FLT1: variants seen among roughly 807,000 people sequenced by gnomAD.
FLT1 encodes the protein fms related receptor tyrosine kinase 1.
Under a neutral mutation model 156.3 loss-of-function variants are expected in FLT1, and 49 were observed. That is an observed-to-expected ratio of 0.31 (90% CI 0.25 to 0.40). The LOEUF (loss-of-function observed/expected upper bound fraction) is 0.40. FLT1 is among the 10% of genes least tolerant of loss of function. The probability of loss-of-function intolerance (pLI) is 1.00; values close to 1 mark genes in which losing one functional copy is unlikely to be tolerated. For synonymous variants in FLT1, 594 were observed against 583.8 expected (o/e 1.02, Z -0.25); for missense variants, 1,322 against 1,637.2 (o/e 0.81, Z 3.32).
intron 25 of FLT1, among the ~76,000 whole-genome samples, chr13:28,314,846 G>T (rs1593672149): frequency 6.6e-6 from 1 of 152,272 alleles, no homozygotes; most frequent in Non-Finnish European, 1.5e-5. Context: ...CAGAATTAAG[G>T]AACCATACCA....
At chr13:28,437,446 G>T (rs1314588448) in intron 4 of FLT1, among the ~76,000 whole-genome samples, 2 of 152,164 alleles carry the variant, frequency 1.3e-5, no homozygotes, top group Non-Finnish European at 2.9e-5. Context: ...TGTGCGAGGT[G>T]CTGCTCTGGG....
intron 13 of FLT1, chr13:28,387,800 AG>A: frequency 4.2e-6 from 4 of 953,574 alleles, no homozygotes; most frequent in Non-Finnish European, 4.9e-6. Flanking sequence ...CCCACCCAAA[AG>A]TTTCTTTAAA....
chr13:28,459,763 CT>C (rs1323061768), intron 3 of FLT1, among the ~76,000 whole-genome samples: 1 of 152,210 alleles, frequency 6.6e-6, no homozygotes, highest in Non-Finnish European at 1.5e-5. Context: ...AATATTTTCT[CT>C]TTAAAGTTTC....
At chr13:28,408,280 C>T (rs1254918536) in intron 10 of FLT1, among the ~76,000 whole-genome samples, 1 of 152,144 alleles carries the variant, frequency 6.6e-6, no homozygotes, top group African/African-American at 2.4e-5. Context: ...GGGCTGTTGA[C>T]CTCTGACACC....
At position 28,389,603 on chromosome 13, in the gene FLT1, C is replaced by T; in HGVS notation, c.1969+193G>A. 2.1e-6 allele frequency: 3 copies of T among 1,455,672 alleles called. No homozygotes were observed. The South Asian group carries it at 4.4e-5, about 21-fold the overall frequency. 90.2% of individuals were successfully genotyped at this position (1,455,672 alleles called of 1,614,324 possible). ...CATTATTACTGCTATCATCTCCGAA[C>T]TCATTTTGGGAGGAGCATCTCCTCC... On this transcript the variant is annotated intron_variant, in intron 13 of 29. Transcript: ENST00000282397.
chr13:28,317,148 T>C (rs1871243824), intron 25 of FLT1, among the ~76,000 whole-genome samples: 1 of 152,196 alleles, frequency 6.6e-6, no homozygotes. Flanking sequence ...ACTCCGTGAG[T>C]GAGGCCAAGG....
At position 28,430,105 on chromosome 13, in the gene FLT1, G is replaced by C; in HGVS notation, c.1051C>G (p.Arg351Gly). ...ACTTTCATAGAGAGCCGGTAAGACC[G>C]CTTGCCAGCTACGGTTTCAAGCACC... ...QQVLETVAGK[R>G]SYRLSMKVKA... The change falls in exon 8 of 30, where the codon CGG becomes GGG. Residue 351 changes from arginine (R) to glycine (G), a missense_variant. Transcript: ENST00000282397. 2 of 1,613,858 alleles carry C rather than the reference G, an allele frequency of 1.2e-6. No homozygotes were observed. The highest frequency in any genetic ancestry group is 1.7e-6 in the Non-Finnish European group (2 of 1,179,746).
chr13:28,442,650 A>G (rs545048115), intron 3 of FLT1, among the ~76,000 whole-genome samples: 5 of 152,130 alleles, frequency 3.3e-5, no homozygotes, highest in Non-Finnish European at 7.4e-5. Flanking sequence ...GTGACAGTCA[A>G]AAGTGGCATT....
chr13:28,484,105 T>C (rs559658242), intron 1 of FLT1, among the ~76,000 whole-genome samples: 1 of 152,328 alleles, frequency 6.6e-6, no homozygotes, highest in South Asian at 2.1e-4. Context: ...ACACAGAAAG[T>C]GCCCTGTGCT....
rs1248162001 is a variant in FLT1 at position 28,322,484 on chromosome 13, G to A, written c.2954-125C>T. 8 of 762,430 alleles carry A rather than the reference G, an allele frequency of 1.0e-5. No individual in the cohort carries two copies. Among genetic ancestry groups the A allele is most frequent in the Non-Finnish European group, 1.6e-5 (7 of 436,752 alleles). 47.2% of individuals were successfully genotyped at this position (762,430 alleles called of 1,614,324 possible). ...CAAGTAGATCAGAGTTCATTTTTAA[G>A]AGTATTTGAGTTTCAACATGAACAC... On this transcript the variant is annotated intron_variant, in intron 21 of 29. Coordinates refer to ENST00000282397, the MANE Select transcript of FLT1 (RefSeq NM_002019.4). This position sits in a 1 kb window ranked among gnomAD's most constrained non-coding sequence, Gnocchi z 4.3.
At chr13:28,417,010 A>G (rs952451004) in intron 10 of FLT1, among the ~76,000 whole-genome samples, 2 of 152,210 alleles carry the variant, frequency 1.3e-5, no homozygotes, top group Non-Finnish European at 2.9e-5. Flanking sequence ...TCTGAGATAC[A>G]GTGCGCATAC....
At chr13:28,305,416 G>T (rs562368114) in intron 29 of FLT1, among the ~76,000 whole-genome samples, 150 of 151,976 alleles carry the variant, frequency 9.9e-4, no homozygotes, top group African/African-American at 3.3e-3. Flanking sequence ...GTAGAGAAAG[G>T]GTTTTGCCAT....
intron 11 of FLT1, among the ~76,000 whole-genome samples, chr13:28,404,964 G>A (rs1236449625): frequency 2.7e-5 from 4 of 149,758 alleles, no homozygotes; most frequent in Non-Finnish European, 5.9e-5. Flanking sequence ...AGGTTGCAGT[G>A]AGCCGAGATC....
intron 25 of FLT1, among the ~76,000 whole-genome samples, chr13:28,313,802 A>G (rs943282662): frequency 2.6e-5 from 4 of 151,998 alleles, no homozygotes; most frequent in African/African-American, 9.7e-5. Context: ...GGGGGCGCCA[A>G]TGGCTCCAGA....
chr13:28,478,510 A>G (rs17553153), intron 1 of FLT1, among the ~76,000 whole-genome samples: 9,780 of 152,290 alleles, frequency 0.064, 493 homozygotes, highest in Admixed American at 0.12. Flanking sequence ...TATTTGATCA[A>G]TTCCGTATAG....
chr13:28,318,169 A>G (rs906662683), intron 24 of FLT1, among the ~76,000 whole-genome samples: 8 of 152,120 alleles, frequency 5.3e-5, no homozygotes, highest in South Asian at 2.1e-4. Context: ...GATAGGCTAC[A>G]TAGGAATCAT....
rs113423768 is a variant in FLT1 at position 28,339,356 on chromosome 13, A to G, written c.2356-56T>C. The G allele has an allele frequency of 1.2e-3, 1,870 of 1,586,912 alleles. 17 individuals are homozygous for G. The African/African-American group carries it at 0.02, about 17-fold the overall frequency. On this transcript the variant is annotated intron_variant, in intron 16 of 29. Coordinates refer to ENST00000282397, the MANE Select transcript of FLT1 (RefSeq NM_002019.4). ...AGAAGAAAACAACTTTACAAATCCT[A>G]GATATTCCGTTAACATCCACTGTTT...
chr13:28,412,346 CTTTCTCTTTCTT>C (rs1464114667), intron 10 of FLT1, among the ~76,000 whole-genome samples: 8 of 58,420 alleles, frequency 1.4e-4, no homozygotes, highest in African/African-American at 3.6e-4. Context: ...TTCTTTCTTT[CTTTCTCTTTCTT>C]TCTTTCTTTC....
At chr13:28,411,566 A>T (rs1593760528) in intron 10 of FLT1, among the ~76,000 whole-genome samples, 1 of 151,434 alleles carries the variant, frequency 6.6e-6, no homozygotes, top group Non-Finnish European at 1.5e-5. Flanking sequence ...AAAAAAAAAA[A>T]AACTTACAAC....
Sources: allele counts gnomAD v4.1 joint callset (sites outside exome capture counted in the v4.1 genomes callset), GRCh38; gene constraint gnomAD v4.1.1; non-coding constraint Gnocchi (gnomAD v3.1); transcripts MANE v1.5; gene names NCBI Gene and HGNC (gene_info 2026-07-23, HGNC 2026-07-21).